The following ARF4 variants were observed in gnomAD, a reference collection of about 807,000 sequenced individuals.
ARF4 encodes ADP-ribosylation factor 4.
Under a neutral mutation model 24.3 loss-of-function variants are expected in ARF4, and 5 were observed. The ratio of observed to expected loss-of-function variants is 0.21; its 90% confidence interval spans 0.11 to 0.43. The LOEUF (loss-of-function observed/expected upper bound fraction) is 0.43, where lower values mean the gene tolerates loss of function less well. Ranked by LOEUF, ARF4 falls within the 20% of genes least tolerant of loss-of-function variation. The pLI is 1.00. For missense variants in ARF4, 107 were observed against 213.0 expected (o/e 0.50, Z 3.10); for synonymous variants, 62 against 73.5 (o/e 0.84, Z 0.80).
chr3:57,594,744 C>T (rs957406539), intron 1 of ARF4, among the ~76,000 whole-genome samples: 4 of 152,124 alleles, frequency 2.6e-5, no homozygotes, highest in African/African-American at 9.7e-5. Context: ...TAAAGAAAAA[C>T]GAAGCACACT....
chr3:57,574,917 C>T (rs13097810), intron 5 of ARF4, among the ~76,000 whole-genome samples: 1 of 151,074 alleles, frequency 6.6e-6, no homozygotes, highest in African/African-American at 2.4e-5. Context: ...GGCGCGATCG[C>T]GACTCACCGC....
At chr3:57,589,081 A>G (rs968537613) in intron 1 of ARF4, among the ~76,000 whole-genome samples, 1 of 145,054 alleles carries the variant, frequency 6.9e-6, no homozygotes, top group African/African-American at 2.5e-5. Context: ...CAACCTGGGC[A>G]ACAGGAGCAA....
chr3:57,584,169 T>C, intron 2 of ARF4, 162 bp from the exon 3 acceptor site: 1 of 697,922 alleles, frequency 1.4e-6, no homozygotes. Flanking sequence ...CATTATGTTA[T>C]GCAGGCTGGT....
intron 3 of ARF4, among the ~76,000 whole-genome samples, chr3:57,579,752 A>T (rs1200921723): frequency 6.6e-6 from 1 of 152,132 alleles, no homozygotes; most frequent in Non-Finnish European, 1.5e-5. Context: ...CTTAATTTTT[A>T]AATTTTATTT....
In ARF4 at chr3:57,571,591, A is replaced by C. The variant is rs1168373167; in HGVS notation, c.*621T>G. On this transcript the variant is annotated 3_prime_UTR_variant, in exon 6 of 6. Coordinates refer to ENST00000303436, the MANE Select transcript of ARF4 (RefSeq NM_001660.4). The stretch of plus-strand genomic sequence containing the variant: ...AGGAAGACAATCTGCTGAGTATTAA[A>C]AACCATCTAAATATCAATTCTTTGC... 1 of 152,724 alleles carries C rather than the reference A, an allele frequency of 6.5e-6. No individual in the cohort carries two copies. Among genetic ancestry groups the C allele is most frequent in the Non-Finnish European group, 1.5e-5 (1 of 68,108 alleles). The allele number at this position is 152,724 out of a possible 1,614,324, so 9.5% of individuals were successfully genotyped here.
intron 1 of ARF4, among the ~76,000 whole-genome samples, chr3:57,590,924 T>A (rs2070104850): frequency 6.6e-6 from 1 of 152,228 alleles, no homozygotes. Flanking sequence ...AATAATAATT[T>A]AAAATTGAAT....
At chr3:57,585,882 G>C (rs983720789) in intron 1 of ARF4, among the ~76,000 whole-genome samples, 4 of 151,980 alleles carry the variant, frequency 2.6e-5, no homozygotes, top group Admixed American at 6.6e-5. Context: ...GGCTGGTCTT[G>C]AACTCCTGAC....
At chr3:57,584,531 A>G (rs1444661969) in intron 1 of ARF4, 67 bp from the exon 2 acceptor site, 12 of 1,359,156 alleles carry the variant, frequency 8.8e-6, no homozygotes, top group Non-Finnish European at 1.2e-5. Flanking sequence ...ATTTTACAAT[A>G]AATTTATAGT....
Position 57,597,102 on chromosome 3 carries a change from A to C in ARF4, c.39T>G (p.Phe13Leu). The C allele has an allele frequency of 6.2e-7, 1 of 1,614,076 alleles. No individual in the cohort carries two copies. The highest frequency in any genetic ancestry group is 8.5e-7 in the Non-Finnish European group (1 of 1,179,976). ...LTISSLFSRLFGKKQMRILMV... is the reference protein window; with the variant it reads ...LTISSLFSRLLGKKQMRILMV... ...TCAAAATGCGCATCTGCTTCTTGCC[A>C]AATAGTCGGGAGAAGAGGGAGGAGA... The change falls in exon 1 of 6, where the codon TTT becomes TTG. Residue 13 changes from phenylalanine (F) to leucine (L), a missense_variant. By Grantham distance (22) the Phe-to-Leu change is conservative. Coordinates refer to ENST00000303436, the MANE Select transcript of ARF4 (RefSeq NM_001660.4).
intron 1 of ARF4, among the ~76,000 whole-genome samples, chr3:57,585,341 C>G (rs1186152978): frequency 6.6e-6 from 1 of 152,116 alleles, no homozygotes; most frequent in Non-Finnish European, 1.5e-5. Flanking sequence ...AGTGGTATAA[C>G]TATGTTCTAA....
At chr3:57,575,016 A>G (rs920363453) in intron 5 of ARF4, among the ~76,000 whole-genome samples, 22 of 152,006 alleles carry the variant, frequency 1.4e-4, no homozygotes, top group African/African-American at 5.1e-4. Context: ...CACCTGGCTA[A>G]TTTTGTATTT....
At chr3:57,572,760 T>C (rs1441165066) in intron 5 of ARF4, among the ~76,000 whole-genome samples, 1 of 152,206 alleles carries the variant, frequency 6.6e-6, no homozygotes, top group African/African-American at 2.4e-5. Context: ...TGCTGGTTTT[T>C]GGTTCCCTTT....
In ARF4 at chr3:57,597,291, T is replaced by A. The variant is rs150642148; in HGVS notation, c.-151A>T. Reference sequence around the variant, plus strand: ...GGCAGAAACGTCTCAGTGGCCCCTGTGCCGATGAAGATCCGGCACAGGAAT... The same window carrying A: ...GGCAGAAACGTCTCAGTGGCCCCTGAGCCGATGAAGATCCGGCACAGGAAT... On this transcript the variant is annotated 5_prime_UTR_variant, in exon 1 of 6. Coordinates refer to ENST00000303436, the MANE Select transcript of ARF4 (RefSeq NM_001660.4). 2 of 695,860 alleles carry A rather than the reference T, an allele frequency of 2.9e-6. No individual in the cohort carries two copies. Among genetic ancestry groups the A allele is most frequent in the Non-Finnish European group, 4.8e-6 (2 of 413,530 alleles). The allele number at this position is 695,860 out of a possible 1,614,324, so 43.1% of individuals were successfully genotyped here. A position where few individuals can be genotyped will look rare whatever the true frequency, so the allele number is the denominator to read the frequency against.
chr3:57,590,988 T>A (rs1025275378), intron 1 of ARF4, among the ~76,000 whole-genome samples: 1 of 152,232 alleles, frequency 6.6e-6, no homozygotes, highest in Non-Finnish European at 1.5e-5. Flanking sequence ...GGACTTTAAT[T>A]CTCACAATAA....
intron 3 of ARF4, among the ~76,000 whole-genome samples, chr3:57,580,989 C>T (rs2069963614): frequency 1.3e-5 from 2 of 152,090 alleles, no homozygotes; most frequent in Admixed American, 6.6e-5. Flanking sequence ...AGGTATTAAT[C>T]CCTAATTATT....
At chr3:57,590,014 C>A (rs2070089119) in intron 1 of ARF4, among the ~76,000 whole-genome samples, 2 of 150,176 alleles carry the variant, frequency 1.3e-5, no homozygotes, top group African/African-American at 4.9e-5. Context: ...TTGCTTGAAC[C>A]CGGGAGGTGG....
chr3:57,595,779 G>A (rs2070173989), intron 1 of ARF4, among the ~76,000 whole-genome samples: 1 of 151,954 alleles, frequency 6.6e-6, no homozygotes, highest in Admixed American at 6.6e-5. Flanking sequence ...TGAAACCCCC[G>A]TCTCTACTAA....
intron 4 of ARF4, 74 bp downstream of exon 4, chr3:57,577,242 A>G: frequency 2.4e-6 from 3 of 1,243,082 alleles, no homozygotes; most frequent in Non-Finnish European, 2.4e-6. Context: ...CATAGTCAAA[A>G]TGTACTAAAC....
chr3:57,588,119 A>G (rs9850535), intron 1 of ARF4, among the ~76,000 whole-genome samples: 125,993 of 152,158 alleles, frequency 0.83, 52,466 homozygotes, highest in East Asian at 1. Context: ...TCAACTAGCC[A>G]AGATAAGACT....
Sources: gnomAD v4.1 joint callset for allele counts (sites outside exome capture counted in the v4.1 genomes callset) on GRCh38, gnomAD v4.1.1 for gene constraint, MANE v1.5 for transcripts, NCBI Gene and HGNC (gene_info 2026-07-23, HGNC 2026-07-21) for gene names.